ARHGAP15: variants seen among roughly 807,000 people sequenced by gnomAD.
ARHGAP15 encodes Rho GTPase activating protein 15, also known as rho GTPase-activating protein 15.
In ARHGAP15, 51 loss-of-function variants were observed where a neutral mutation model predicts 63.7. The ratio of observed to expected loss-of-function variants is 0.80; its 90% CI spans 0.64 to 1.01. The LOEUF (loss-of-function observed/expected upper bound fraction) is 1.01. ARHGAP15 is among the 50% of genes least tolerant of loss of function. The pLI is 0.00. For synonymous variants in ARHGAP15, 191 were observed against 193.8 expected, an observed-to-expected ratio of 0.99 and a Z score of 0.12; for missense variants, 560 against 564.6, an observed-to-expected ratio of 0.99 and a Z score of 0.08.
At chr2:143,421,509 A>T (rs1425674509) in intron 6 of ARHGAP15, among the ~76,000 whole-genome samples, 1 of 152,032 alleles carries the variant, frequency 6.6e-6, no homozygotes, top group Non-Finnish European at 1.5e-5. Flanking sequence ...ATCAAGGAAC[A>T]GGGCATGAAG....
intron 6 of ARHGAP15, among the ~76,000 whole-genome samples, chr2:143,294,566 G>A (rs1434002171): frequency 6.6e-6 from 1 of 152,024 alleles, no homozygotes; most frequent in Non-Finnish European, 1.5e-5. Context: ...TAAGACCACT[G>A]TTTCTCTACA....
chr2:143,216,619 G>A (rs909314130), intron 4 of ARHGAP15, among the ~76,000 whole-genome samples, 174 bp downstream of exon 4: 3 of 152,132 alleles, frequency 2.0e-5, no homozygotes, highest in Admixed American at 6.5e-5. Flanking sequence ...TTTAAAGAAA[G>A]GCACTACATT....
chr2:143,483,547 G>T (rs377474424), intron 8 of ARHGAP15, among the ~76,000 whole-genome samples: 1 of 152,142 alleles, frequency 6.6e-6, no homozygotes, highest in African/African-American at 2.4e-5. Flanking sequence ...AACCAAAATT[G>T]CCCTGAGGCA....
intron 6 of ARHGAP15, among the ~76,000 whole-genome samples, chr2:143,269,573 A>C (rs1486300313): frequency 6.6e-6 from 1 of 152,178 alleles, no homozygotes; most frequent in African/African-American, 2.4e-5. Context: ...TTCCATGAAG[A>C]TGAAGCACAA....
intron 13 of ARHGAP15, among the ~76,000 whole-genome samples, chr2:143,723,307 C>T (rs1179608578): frequency 3.9e-5 from 6 of 152,244 alleles, no homozygotes; most frequent in African/African-American, 1.4e-4. Flanking sequence ...TCCATTGGTC[C>T]TATGTGAAAT....
chr2:143,140,205 A>AT (rs1472258014), intron 1 of ARHGAP15, among the ~76,000 whole-genome samples: 1 of 152,076 alleles, frequency 6.6e-6, no homozygotes, highest in Non-Finnish European at 1.5e-5. Context: ...TATTAGTTTC[A>AT]TTTTCTCAAT....
chr2:143,398,837 A>G (rs1272425875), intron 6 of ARHGAP15, among the ~76,000 whole-genome samples: 2 of 151,590 alleles, frequency 1.3e-5, no homozygotes, highest in Non-Finnish European at 2.9e-5. Flanking sequence ...CTGGCTAGAC[A>G]GATAATGTTA....
intron 8 of ARHGAP15, among the ~76,000 whole-genome samples, chr2:143,441,627 G>T (rs189100411): frequency 6.6e-6 from 1 of 152,298 alleles, no homozygotes; most frequent in African/African-American, 2.4e-5. Flanking sequence ...TGCTTTAGTA[G>T]TAATATATCT....
At chr2:143,222,267 A>T (rs991461157) in intron 4 of ARHGAP15, among the ~76,000 whole-genome samples, 1 of 152,230 alleles carries the variant, frequency 6.6e-6, no homozygotes, top group African/African-American at 2.4e-5. Flanking sequence ...ATTAGAATAA[A>T]TTACTTTCAC....
intron 13 of ARHGAP15, among the ~76,000 whole-genome samples, chr2:143,724,249 T>G (rs940798362): frequency 2.6e-5 from 4 of 152,162 alleles, no homozygotes; most frequent in Non-Finnish European, 4.4e-5. Flanking sequence ...CATCCTAGGT[T>G]TATGACTCTA....
chr2:143,458,589 T>C (rs971765639), intron 8 of ARHGAP15, among the ~76,000 whole-genome samples: 1 of 152,098 alleles, frequency 6.6e-6, no homozygotes, highest in African/African-American at 2.4e-5. Flanking sequence ...CATTTGAAAA[T>C]GGACTCTTCA....
rs570854374 is a variant in ARHGAP15 at position 143,531,125 on chromosome 2, C to T, written c.925+11761C>T. ...TTGATGCTGTGTGTGTATGTGTGTG[C>T]GCGCATGTGTGTGTTCTGTTCTGGA... On this transcript the variant is annotated intron_variant, in intron 10 of 13. Coordinates refer to ENST00000295095, the MANE Select transcript of ARHGAP15 (RefSeq NM_018460.4). 2.2e-5 allele frequency among the ~76,000 whole-genome samples: 3 copies of T among 134,630 alleles called. No individual in the cohort carries two copies. In the Admixed American group the frequency reaches 2.3e-4, roughly 10 times the overall value. 88.3% of individuals were successfully genotyped at this position (134,630 alleles called of 152,430 possible).
At chr2:143,618,065 A>C (rs1212173172) in intron 11 of ARHGAP15, among the ~76,000 whole-genome samples, 1 of 152,214 alleles carries the variant, frequency 6.6e-6, no homozygotes, top group Non-Finnish European at 1.5e-5. Flanking sequence ...GCAGCACAGA[A>C]AGATGCTACT....
intron 6 of ARHGAP15, among the ~76,000 whole-genome samples, chr2:143,397,324 G>GTT (rs1687808640): frequency 6.8e-6 from 1 of 147,696 alleles, no homozygotes; most frequent in Non-Finnish European, 1.5e-5. Flanking sequence ...GTATGTGTGT[G>GTT]TGTGTGTGTG....
chr2:143,336,043 C>T (rs1313570266), intron 6 of ARHGAP15, among the ~76,000 whole-genome samples: 1 of 152,006 alleles, frequency 6.6e-6, no homozygotes, highest in African/African-American at 2.4e-5. Flanking sequence ...CCATGTCACC[C>T]AGGCTAGACT....
intron 6 of ARHGAP15, among the ~76,000 whole-genome samples, chr2:143,375,948 A>G (rs913659256): frequency 6.6e-6 from 1 of 152,232 alleles, no homozygotes; most frequent in Non-Finnish European, 1.5e-5. Context: ...AGAAAATGAC[A>G]ACAGAACAAG....
chr2:143,554,748 A>C (rs1214974179), intron 10 of ARHGAP15, among the ~76,000 whole-genome samples: 3 of 152,150 alleles, frequency 2.0e-5, no homozygotes, highest in African/African-American at 7.2e-5. Flanking sequence ...AAATATTAGA[A>C]AAATTTTAAT....
intron 5 of ARHGAP15, among the ~76,000 whole-genome samples, chr2:143,232,450 G>T (rs1693483945): frequency 6.6e-6 from 1 of 152,178 alleles, no homozygotes; most frequent in South Asian, 2.1e-4. Flanking sequence ...CCTGAATTAT[G>T]AAGGAAAGGA....
At chr2:143,401,870 A>AT (rs1430116869) in intron 6 of ARHGAP15, among the ~76,000 whole-genome samples, 7 of 151,994 alleles carry the variant, frequency 4.6e-5, no homozygotes, top group Non-Finnish European at 7.4e-5. Flanking sequence ...GCAAAATTGC[A>AT]TTTGTTTTGC....
Sources: gnomAD v4.1 joint callset for allele counts (sites outside exome capture counted in the v4.1 genomes callset) on GRCh38, gnomAD v4.1.1 for gene constraint, MANE v1.5 for transcripts, NCBI Gene and HGNC (gene_info 2026-07-23, HGNC 2026-07-21) for gene names.